ACTL8: variants seen among roughly 807,000 people sequenced by gnomAD.
The protein encoded by ACTL8 is actin-like protein 8.
Under a neutral mutation model 9.3 loss-of-function variants are expected in ACTL8, and 3 were observed. The observed-to-expected ratio is 0.32, with a 90% confidence interval of 0.15 to 0.83. The LOEUF is 0.83. ACTL8 is among the 40% of genes least tolerant of loss of function. The pLI, the probability that ACTL8 is intolerant of heterozygous loss-of-function variation, is 0.57. For missense variants in ACTL8, 381 were observed against 492.2 expected, an observed-to-expected ratio of 0.77 and a Z score of 2.14; for synonymous variants, 224 against 205.9, an observed-to-expected ratio of 1.09 and a Z score of -0.75.
chr1:17,813,487 G>A (rs2066406620), intron 1 of ACTL8, among the ~76,000 whole-genome samples: 1 of 152,142 alleles, frequency 6.6e-6, no homozygotes, highest in Non-Finnish European at 1.5e-5. Context: ...GCCCCATTTA[G>A]TCATTGTGTA....
At chr1:17,777,114 C>T (rs868702149) in intron 1 of ACTL8, among the ~76,000 whole-genome samples, 2 of 151,340 alleles carry the variant, frequency 1.3e-5, no homozygotes, top group Non-Finnish European at 2.9e-5. Flanking sequence ...CAGGTGTGAG[C>T]CGCAGAACCT....
At chr1:17,824,865 C>T (rs575964647) in intron 2 of ACTL8, among the ~76,000 whole-genome samples, 25 of 151,994 alleles carry the variant, frequency 1.6e-4, no homozygotes, top group African/African-American at 5.5e-4. Context: ...AAAAGAGGAC[C>T]TTGGCTGCTA....
intron 2 of ACTL8, among the ~76,000 whole-genome samples, chr1:17,825,371 G>A (rs1339735595): frequency 6.6e-6 from 1 of 151,142 alleles, no homozygotes; most frequent in Non-Finnish European, 1.5e-5. Flanking sequence ...TCCACTGTTT[G>A]GAGACAGTGG....
chr1:17,801,860 G>A (rs562802528), intron 1 of ACTL8, among the ~76,000 whole-genome samples: 1 of 152,158 alleles, frequency 6.6e-6, no homozygotes, highest in East Asian at 1.9e-4. Context: ...GTTAGCATTC[G>A]GTGTCCATCT....
chr1:17,762,600 T>G (rs1351966169), intron 1 of ACTL8, among the ~76,000 whole-genome samples: 1 of 152,110 alleles, frequency 6.6e-6, no homozygotes, highest in South Asian at 2.1e-4. Flanking sequence ...TGTTTGGCAG[T>G]GGTTGTGCAC....
rs554998147 is a variant in ACTL8 at position 17,809,867 on chromosome 1, G to A, written c.-24-13118G>A. Among the ~76,000 whole-genome samples, 3 of 152,156 alleles carry A rather than the reference G, an allele frequency of 2.0e-5. No homozygotes were observed. In the East Asian group the frequency reaches 5.8e-4, roughly 29 times the overall value. On this transcript the variant is annotated intron_variant, in intron 1 of 2. Coordinates refer to ENST00000375406, the MANE Select transcript of ACTL8 (RefSeq NM_030812.3). ...TGTACAAGAAATGTAATGCACTTTT[G>A]AATCATTCCGTAAACCAACCCCTAC... is the stretch of plus-strand genomic sequence containing the variant.
intron 1 of ACTL8, among the ~76,000 whole-genome samples, chr1:17,783,149 T>A (rs973900267): frequency 1.1e-4 from 17 of 152,096 alleles, no homozygotes; most frequent in Admixed American, 6.6e-5. Flanking sequence ...CAACAATCAT[T>A]CAGACTGGCT....
intron 1 of ACTL8, among the ~76,000 whole-genome samples, chr1:17,795,426 C>T (rs567241750): frequency 5.3e-5 from 8 of 152,294 alleles, no homozygotes; most frequent in East Asian, 1.9e-4. Flanking sequence ...TTGCAGGGTT[C>T]GTGTGAGGAT....
At chr1:17,764,444 A>G (rs2066029927) in intron 1 of ACTL8, among the ~76,000 whole-genome samples, 1 of 152,112 alleles carries the variant, frequency 6.6e-6, no homozygotes, top group Non-Finnish European at 1.5e-5. Flanking sequence ...TTTCCAGCCC[A>G]ATGTTTCTTC....
chr1:17,821,081 C>T (rs1485033437), intron 1 of ACTL8, among the ~76,000 whole-genome samples: 1 of 151,930 alleles, frequency 6.6e-6, no homozygotes, highest in Admixed American at 6.5e-5. Flanking sequence ...ATGTGCCATC[C>T]ATCTATCTTC....
chr1:17,774,647 G>A (rs111385872), intron 1 of ACTL8, among the ~76,000 whole-genome samples: 193 of 152,218 alleles, frequency 1.3e-3, no homozygotes, highest in South Asian at 4.6e-3. Context: ...TGTGCCTGGA[G>A]TGTTTGAAGA....
At chr1:17,769,502 G>GA (rs34859283) in intron 1 of ACTL8, among the ~76,000 whole-genome samples, 46,282 of 152,058 alleles carry the variant, frequency 0.3, 7,374 homozygotes, top group Admixed American at 0.38. Context: ...TGGACATTGG[G>GA]GACCTGCTCT....
chr1:17,798,010 C>A (rs1326226871), intron 1 of ACTL8, among the ~76,000 whole-genome samples: 2 of 152,068 alleles, frequency 1.3e-5, no homozygotes, highest in Non-Finnish European at 1.5e-5. Flanking sequence ...ACTGAGTCTC[C>A]CTCCATAAAG....
At chr1:17,773,224 G>A (rs570492761) in intron 1 of ACTL8, among the ~76,000 whole-genome samples, 2 of 152,130 alleles carry the variant, frequency 1.3e-5, no homozygotes, top group African/African-American at 2.4e-5. Context: ...CCTGGCTGCC[G>A]GCTGTGTACC....
intron 1 of ACTL8, among the ~76,000 whole-genome samples, chr1:17,795,536 A>G (rs1055747604): frequency 6.6e-6 from 1 of 152,088 alleles, no homozygotes; most frequent in Non-Finnish European, 1.5e-5. Flanking sequence ...CTAAGAGAGA[A>G]GCTTTAGCTA....
chr1:17,778,814 G>T (rs577032609), intron 1 of ACTL8, among the ~76,000 whole-genome samples: 4 of 152,232 alleles, frequency 2.6e-5, no homozygotes, highest in African/African-American at 9.6e-5. Context: ...CTGAGCTCAG[G>T]GATGATGAGT....
At chr1:17,776,901 G>C (rs2066121853) in intron 1 of ACTL8, among the ~76,000 whole-genome samples, 2 of 147,588 alleles carry the variant, frequency 1.4e-5, no homozygotes, top group Admixed American at 6.8e-5. Context: ...CTGGGCTCAA[G>C]CAATCCTCCC....
chr1:17,789,514 A>G (rs372557849), intron 1 of ACTL8, among the ~76,000 whole-genome samples: 3 of 152,016 alleles, frequency 2.0e-5, no homozygotes, highest in South Asian at 2.1e-4. Context: ...CAGAGATGGG[A>G]TGTTTCAGTC....
chr1:17,799,050 C>T (rs1255021675), intron 1 of ACTL8, among the ~76,000 whole-genome samples: 1 of 152,230 alleles, frequency 6.6e-6, no homozygotes, highest in Non-Finnish European at 1.5e-5. Context: ...TTGGTCCCCT[C>T]TCTGGTTTTC....
Sources: gnomAD v4.1 joint callset for allele counts (sites outside exome capture counted in the v4.1 genomes callset) on GRCh38, gnomAD v4.1.1 for gene constraint, MANE v1.5 for transcripts, NCBI Gene and HGNC (gene_info 2026-07-23, HGNC 2026-07-21) for gene names.